FHL2: variants seen among roughly 807,000 people sequenced by gnomAD.
FHL2 encodes four and a half LIM domains protein 2.
In FHL2, 20 loss-of-function variants were observed where a neutral mutation model predicts 32.7. The ratio of observed to expected loss-of-function variants is 0.61; its 90% CI spans 0.43 to 0.89. The LOEUF (loss-of-function observed/expected upper bound fraction) is 0.89. Among genes scored for constraint, FHL2 ranks in the 40% least tolerant of loss-of-function variants. The pLI, the probability that FHL2 is intolerant of heterozygous loss-of-function variation, is 0.00. For missense variants in FHL2, 311 were observed against 358.6 expected, an observed-to-expected ratio of 0.87 and a Z score of 1.07; for synonymous variants, 123 against 128.1, an observed-to-expected ratio of 0.96 and a Z score of 0.27.
At chr2:105,368,007 G>A (rs1257388582) in intron 4 of FHL2, among the ~76,000 whole-genome samples, 1 of 152,176 alleles carries the variant, frequency 6.6e-6, no homozygotes, top group African/African-American at 2.4e-5. Flanking sequence ...ACCGTGGTTA[G>A]GAATGTTAAA....
chr2:105,391,942 C>G (rs1682766104), intron 2 of FHL2, among the ~76,000 whole-genome samples: 1 of 152,220 alleles, frequency 6.6e-6, no homozygotes, highest in African/African-American at 2.4e-5. Flanking sequence ...GAATCAAATT[C>G]CAAATCACAG....
intron 1 of FHL2, among the ~76,000 whole-genome samples, chr2:105,436,687 A>G (rs1044758412): frequency 1.4e-4 from 21 of 152,278 alleles, no homozygotes; most frequent in African/African-American, 4.3e-4. Flanking sequence ...TTAATGGTTA[A>G]TCTTTCAATC....
chr2:105,411,861 T>C (rs1215772622), intron 1 of FHL2, among the ~76,000 whole-genome samples: 1 of 151,632 alleles, frequency 6.6e-6, no homozygotes, highest in Non-Finnish European at 1.5e-5. Context: ...CTCCTAGTAA[T>C]TGGATTGAGT....
At chr2:105,395,711 C>T (rs1331891195) in intron 2 of FHL2, among the ~76,000 whole-genome samples, 2 of 152,224 alleles carry the variant, frequency 1.3e-5, no homozygotes, top group Admixed American at 1.3e-4. Context: ...TGACAAGCTC[C>T]ATATTTACAT....
At chr2:105,389,582 A>G (rs1682567956) in intron 2 of FHL2, among the ~76,000 whole-genome samples, 1 of 152,268 alleles carries the variant, frequency 6.6e-6, no homozygotes, top group South Asian at 2.1e-4. Flanking sequence ...TCCCCAGATT[A>G]TCTATGACAA....
rs184215164 is a variant in FHL2 at position 105,415,167 on chromosome 2, G to C, written c.-25+23232C>G. Among the ~76,000 whole-genome samples, 1,110 of 152,336 alleles carry C rather than the reference G, an allele frequency of 7.3e-3. 20 individuals are homozygous for C. Among genetic ancestry groups the C allele is most frequent in the African/African-American group, 0.026 (1,065 of 41,568 alleles). On this transcript the variant is annotated intron_variant, in intron 1 of 5. Coordinates refer to the FHL2 transcript ENST00000393352. ...GTCATTCGTCCATACAATGGAGCAA[G>C]CGCTACACCGCTATAAATAGTGAGG...
At chr2:105,425,232 T>A (rs1282284694) in intron 1 of FHL2, among the ~76,000 whole-genome samples, 1 of 29,692 alleles carries the variant, frequency 3.4e-5, no homozygotes, top group Non-Finnish European at 5.7e-5. Context: ...AAAATCAAGG[T>A]TTTAAGGGAC....
intron 1 of FHL2, among the ~76,000 whole-genome samples, chr2:105,414,906 A>G (rs1683891789): frequency 6.6e-6 from 1 of 152,228 alleles, no homozygotes; most frequent in African/African-American, 2.4e-5. Context: ...AAGACCAAAT[A>G]TCTGTTTCAC....
chr2:105,392,159 G>A (rs866252755), intron 2 of FHL2, among the ~76,000 whole-genome samples: 5 of 152,142 alleles, frequency 3.3e-5, no homozygotes, highest in South Asian at 4.1e-4. Context: ...TGAGTCTCTC[G>A]CTAGCCCAGC....
intron 1 of FHL2, among the ~76,000 whole-genome samples, chr2:105,425,610 CT>C (rs1297076996): frequency 2.0e-5 from 3 of 152,042 alleles, no homozygotes; most frequent in Non-Finnish European, 2.9e-5. Context: ...ATTTGTTCAA[CT>C]CTGAGATAGG....
upstream of FHL2, chr2:105,399,129 G>C (rs1253031503): frequency 1.4e-6 from 2 of 1,390,160 alleles, no homozygotes; most frequent in African/African-American, 3.0e-5. Flanking sequence ...GCCTCGGCTC[G>C]CTGGCACCGG....
At chr2:105,399,569 G>C (rs1287146380), upstream of FHL2, 1 of 1,535,762 alleles carries the variant, frequency 6.5e-7, no homozygotes, top group Admixed American at 2.0e-5. Context: ...TTCCACTACG[G>C]AGGGGACTAA....
At chr2:105,408,841 G>A (rs910617619) in intron 1 of FHL2, among the ~76,000 whole-genome samples, 2 of 152,202 alleles carry the variant, frequency 1.3e-5, no homozygotes, top group Non-Finnish European at 2.9e-5. Context: ...CTTACTCTTA[G>A]AGTCTTGAAA....
chr2:105,402,887 A>T (rs4435476), upstream of FHL2, among the ~76,000 whole-genome samples: 22,861 of 152,248 alleles, frequency 0.15, 2,129 homozygotes, highest in South Asian at 0.22. Flanking sequence ...AGATCACAGA[A>T]TTGTTTGTGA....
intron 1 of FHL2, among the ~76,000 whole-genome samples, chr2:105,420,835 A>T (rs965009501): frequency 2.6e-5 from 4 of 152,104 alleles, no homozygotes; most frequent in Admixed American, 6.5e-5. Flanking sequence ...TAACGCCTCC[A>T]CTGATCTGAC....
Position 105,379,411 on chromosome 2 carries a change from G to A in FHL2, c.157-5678C>T, listed in dbSNP as rs193234137. Among the ~76,000 whole-genome samples the A allele has an allele frequency of 2.1e-3, 315 of 152,186 alleles. 2 individuals carry two copies. Among genetic ancestry groups the A allele is most frequent in the Middle Eastern group, 0.01 (3 of 292 alleles). On this transcript the variant is annotated intron_variant, in intron 3 of 6. Coordinates refer to ENST00000530340, the MANE Select transcript of FHL2 (RefSeq NM_001318895.3). Reference sequence around the variant, plus strand: ...AATATCTGCCACCTTAAAGCTCCACGTTGGTAACTCTACCACTCTACTTTT... The same window carrying A: ...AATATCTGCCACCTTAAAGCTCCACATTGGTAACTCTACCACTCTACTTTT...
rs1224420415 is a variant in FHL2 at position 105,369,725 on chromosome 2, C to A, written c.332-1986G>T. Among the ~76,000 whole-genome samples the A allele has an allele frequency of 9.9e-5, 15 of 152,228 alleles. 1 individual carries two copies. On this transcript the variant is annotated intron_variant, in intron 4 of 6. Coordinates refer to ENST00000530340, the MANE Select transcript of FHL2 (RefSeq NM_001318895.3). ...CTTTTGTCACTTGCTCTTTGGATCT[C>A]TGACATTCATTCTGATCAAGCAGCC...
rs554121279 is a variant in FHL2, at chr2:105,432,857, G to A, written c.-25+5542C>T. On this transcript the variant is annotated intron_variant, in intron 1 of 5. Transcript: ENST00000393352. ...TGTAAAAAACACGTCCTTGTGCTAC[G>A]TATTGAAAGGTAGGGAGTGAATATG... 8.5e-5 allele frequency among the ~76,000 whole-genome samples: 13 copies of A among 152,330 alleles called. No individual in the cohort carries two copies. In the South Asian group the frequency reaches 2.7e-3, roughly 32 times the overall value.
intron 1 of FHL2, among the ~76,000 whole-genome samples, chr2:105,417,308 G>A (rs183552781): frequency 3.8e-4 from 58 of 151,920 alleles, no homozygotes; most frequent in African/African-American, 1.3e-3. Context: ...CTTGAACCCA[G>A]GAGGCAGAGG....
Sources: gnomAD v4.1 joint callset for allele counts (sites outside exome capture counted in the v4.1 genomes callset) on GRCh38, gnomAD v4.1.1 for gene constraint, MANE v1.5 for transcripts, NCBI Gene and HGNC (gene_info 2026-07-23, HGNC 2026-07-21) for gene names.